Variants in BLTP3B observed in about 807,000 individuals in gnomAD.
BLTP3B encodes UHRF1 (ICBP90) binding protein 1-like.
At chr12:100,142,543 C>A in the BLTP3B span, 4 of 1,584,464 alleles carry the variant, frequency 2.5e-6, no homozygotes, top group African/African-American at 4.1e-5. Context: ...GACTCCAGTG[C>A]GGGCTGGGGT....
the BLTP3B span, among the ~76,000 whole-genome samples, chr12:100,101,470 A>C: frequency 6.6e-6 from 1 of 152,204 alleles, no homozygotes; most frequent in African/African-American, 2.4e-5. Flanking sequence ...ACATGTTCAG[A>C]GCTGCTATTT....
chr12:100,067,719 C>T, the BLTP3B span, among the ~76,000 whole-genome samples: 1 of 151,648 alleles, frequency 6.6e-6, no homozygotes, highest in African/African-American at 2.4e-5. Context: ...AAAAAAAGTC[C>T]AGGACCAGCT....
the BLTP3B span, among the ~76,000 whole-genome samples, chr12:100,065,656 G>C: frequency 6.6e-6 from 1 of 152,168 alleles, no homozygotes; most frequent in Non-Finnish European, 1.5e-5. Flanking sequence ...TTTGAGGTCA[G>C]ACCAGTGATC....
At chr12:100,129,544 C>T in the BLTP3B span, among the ~76,000 whole-genome samples, 1 of 152,090 alleles carries the variant, frequency 6.6e-6, no homozygotes, top group Non-Finnish European at 1.5e-5. Flanking sequence ...GCGATTCTGC[C>T]CTTAAAGAGA....
chr12:100,039,058 G>A, the BLTP3B span, among the ~76,000 whole-genome samples: 39 of 151,904 alleles, frequency 2.6e-4, no homozygotes. Context: ...CCCTAGCTCA[G>A]AGCTGACATT....
At chr12:100,086,713 G>A in the BLTP3B span, among the ~76,000 whole-genome samples, 5 of 152,072 alleles carry the variant, frequency 3.3e-5, no homozygotes, top group South Asian at 2.1e-4. Flanking sequence ...CATAACAACC[G>A]CATTTGATAG....
At chr12:100,039,656 A>C in the BLTP3B span, 1 of 1,613,946 alleles carries the variant, frequency 6.2e-7, no homozygotes, top group Non-Finnish European at 8.5e-7. Flanking sequence ...AAGGCCAAGG[A>C]ACCCCTGGGC....
At chr12:100,131,908 G>A in the BLTP3B span, among the ~76,000 whole-genome samples, 2 of 152,202 alleles carry the variant, frequency 1.3e-5, no homozygotes, top group Admixed American at 1.3e-4. Flanking sequence ...TCCTGCCTCA[G>A]CCTCTTGAGT....
At chr12:100,055,253 C>T in the BLTP3B span, among the ~76,000 whole-genome samples, 1 of 152,218 alleles carries the variant, frequency 6.6e-6, no homozygotes, top group Non-Finnish European at 1.5e-5. Context: ...GGGCAAGCTG[C>T]TTACCTCCCT....
the BLTP3B span, among the ~76,000 whole-genome samples, chr12:100,048,679 T>A: frequency 2.9e-4 from 41 of 142,088 alleles, no homozygotes; most frequent in Non-Finnish European, 5.7e-4. Flanking sequence ...AGAAAAGACC[T>A]CATTAAATTG....
At chr12:100,124,976 A>ATATATATATATT in the BLTP3B span, among the ~76,000 whole-genome samples, 12 of 94,860 alleles carry the variant, frequency 1.3e-4, no homozygotes, top group Non-Finnish European at 1.2e-4. Flanking sequence ...ATATATATAT[A>ATATATATATATT]TATTTATATT....
chr12:100,076,726 G>A, the BLTP3B span, among the ~76,000 whole-genome samples: 1 of 152,166 alleles, frequency 6.6e-6, no homozygotes, highest in Non-Finnish European at 1.5e-5. Flanking sequence ...AATTTGTATA[G>A]TCTTTATAAA....
At chr12:100,125,355 A>T in the BLTP3B span, among the ~76,000 whole-genome samples, 1 of 151,308 alleles carries the variant, frequency 6.6e-6, no homozygotes, top group Non-Finnish European at 1.5e-5. Flanking sequence ...AAAAAAAAAA[A>T]ATCTGGGCAT....
At chr12:100,099,269 C>G in the BLTP3B span, among the ~76,000 whole-genome samples, 1 of 151,510 alleles carries the variant, frequency 6.6e-6, no homozygotes, top group African/African-American at 2.4e-5. Context: ...GATGGGATTA[C>G]AGGCGTGAGC....
the BLTP3B span, among the ~76,000 whole-genome samples, chr12:100,093,869 T>A: frequency 6.6e-6 from 1 of 152,214 alleles, no homozygotes; most frequent in Admixed American, 6.5e-5. Context: ...GAAAATATCA[T>A]GATCTTTAAA....
the BLTP3B span, among the ~76,000 whole-genome samples, chr12:100,081,624 G>A: frequency 2.0e-5 from 3 of 152,132 alleles, no homozygotes; most frequent in Non-Finnish European, 4.4e-5. Flanking sequence ...GTGTCCATGT[G>A]CACTCAATGT....
At chr12:100,058,820 A>C in the BLTP3B span, 7 of 1,614,020 alleles carry the variant, frequency 4.3e-6, no homozygotes, top group East Asian at 1.3e-4. Flanking sequence ...GGTAGTGATT[A>C]ATCTGCATAC....
At chr12:100,117,064 C>T in the BLTP3B span, among the ~76,000 whole-genome samples, 1 of 152,084 alleles carries the variant, frequency 6.6e-6, no homozygotes, top group Non-Finnish European at 1.5e-5. Context: ...CTAATATAAA[C>T]ATATGATTAA....
the BLTP3B span, chr12:100,102,938 C>G: frequency 1.1e-6 from 1 of 910,172 alleles, no homozygotes; most frequent in Non-Finnish European, 1.5e-6. Flanking sequence ...ATTATTTTCT[C>G]TTTCATTTTT....
Sources: allele counts gnomAD v4.1 joint callset (sites outside exome capture counted in the v4.1 genomes callset), GRCh38; gene constraint gnomAD v4.1.1; transcripts MANE v1.5; gene names NCBI Gene and HGNC (gene_info 2026-07-23, HGNC 2026-07-21).